Variants in KBTBD12 observed in about 807,000 individuals in gnomAD.
The protein encoded by KBTBD12 is kelch repeat and BTB domain-containing protein 12.
A neutral mutation model predicts 58.7 loss-of-function variants in KBTBD12; 53 were observed. The observed-to-expected ratio is 0.90, with a 90% CI of 0.72 to 1.14. The LOEUF (loss-of-function observed/expected upper bound fraction) is 1.14. KBTBD12 is among the 50% of genes most tolerant of loss of function. The pLI is 0.00. For missense variants in KBTBD12, 704 were observed against 751.3 expected (o/e 0.94, Z 0.74); for synonymous variants, 236 against 259.8 (o/e 0.91, Z 0.88).
intron 4 of KBTBD12, among the ~76,000 whole-genome samples, chr3:127,935,029 G>A (rs551806890): frequency 7.9e-5 from 12 of 152,226 alleles, no homozygotes; most frequent in Admixed American, 1.3e-4. Flanking sequence ...TGCATAGGAC[G>A]TGTTTTTCTT....
intron 4 of KBTBD12, among the ~76,000 whole-genome samples, chr3:127,934,525 T>G (rs1400996494): frequency 5.3e-5 from 8 of 152,092 alleles, no homozygotes; most frequent in Non-Finnish European, 1.2e-4. Flanking sequence ...AGTCAAAAAT[T>G]TCTGAAATTT....
chr3:127,961,106 A>T (rs1940430432), intron 4 of KBTBD12, among the ~76,000 whole-genome samples: 1 of 152,032 alleles, frequency 6.6e-6, no homozygotes, highest in Non-Finnish European at 1.5e-5. Flanking sequence ...GCCTAGTAAC[A>T]TTTCTCCTGG....
At chr3:127,966,047 T>A (rs149165325) in intron 5 of KBTBD12, among the ~76,000 whole-genome samples, 12 of 152,326 alleles carry the variant, frequency 7.9e-5, no homozygotes, top group African/African-American at 2.2e-4. Context: ...CTACTCTTGA[T>A]AGTGAGACAA....
chr3:127,919,450 G>C (rs953638964), intron 1 of KBTBD12, among the ~76,000 whole-genome samples: 2 of 152,116 alleles, frequency 1.3e-5, no homozygotes, highest in African/African-American at 2.4e-5. Flanking sequence ...GGCTGGTCTC[G>C]AACTCTTGAC....
At chr3:127,935,496 T>C (rs1939809167) in intron 4 of KBTBD12, among the ~76,000 whole-genome samples, 1 of 152,008 alleles carries the variant, frequency 6.6e-6, no homozygotes, top group South Asian at 2.1e-4. Flanking sequence ...CACAGTGGCA[T>C]GCACCTGTAA....
At chr3:127,932,961 A>G (rs990983750) in intron 4 of KBTBD12, among the ~76,000 whole-genome samples, 5 of 152,188 alleles carry the variant, frequency 3.3e-5, no homozygotes, top group African/African-American at 9.7e-5. Context: ...AGAAAAACCT[A>G]AAAACATTGT....
chr3:127,928,264 C>T (rs1939623911), intron 3 of KBTBD12: 3 of 529,608 alleles, frequency 5.7e-6, no homozygotes, highest in South Asian at 4.9e-5. Context: ...TCATGCTGTG[C>T]TCTTTATAAT....
intron 4 of KBTBD12, among the ~76,000 whole-genome samples, chr3:127,932,867 T>C (rs2107594684): frequency 6.6e-6 from 1 of 152,318 alleles, no homozygotes; most frequent in African/African-American, 2.4e-5. Flanking sequence ...TTGCTTAAAG[T>C]TTCACTTAAT....
chr3:127,949,853 A>G (rs1275474579), intron 4 of KBTBD12, among the ~76,000 whole-genome samples: 1 of 152,200 alleles, frequency 6.6e-6, no homozygotes, highest in Non-Finnish European at 1.5e-5. Flanking sequence ...GTGGTGAGCC[A>G]GAGAAGGGGA....
At chr3:127,977,315 T>C (rs558286453) in intron 5 of KBTBD12, among the ~76,000 whole-genome samples, 1 of 152,334 alleles carries the variant, frequency 6.6e-6, no homozygotes, top group Admixed American at 6.5e-5. Context: ...TGTGTCTTTA[T>C]GGTAGAACAA....
chr3:127,972,530 C>A (rs1181076882), intron 5 of KBTBD12, among the ~76,000 whole-genome samples: 1 of 152,154 alleles, frequency 6.6e-6, no homozygotes, highest in African/African-American at 2.4e-5. Context: ...TGTTTGGTTC[C>A]AGCCCTAACA....
In KBTBD12 at chr3:127,921,834, T is replaced by C. The variant is rs988992197; in HGVS notation, c.-112-1116T>C. Among the ~76,000 whole-genome samples the C allele has an allele frequency of 1.3e-4, 20 of 152,178 alleles. 1 individual carries two copies. Among genetic ancestry groups the C allele is most frequent in the Non-Finnish European group, 7.4e-5 (5 of 67,976 alleles). ...GTTTGGGAATCTGGGGATATCCAGATGCTCTTTTTAAAACAGGACCATTTC... is the reference window on the plus strand; with the variant it reads ...GTTTGGGAATCTGGGGATATCCAGACGCTCTTTTTAAAACAGGACCATTTC... On this transcript the variant is annotated intron_variant, in intron 1 of 5. Transcript: ENST00000405109.
chr3:127,983,258 G>A (rs1333341285), intron 5 of KBTBD12, among the ~76,000 whole-genome samples: 4 of 152,112 alleles, frequency 2.6e-5, no homozygotes, highest in African/African-American at 4.8e-5. Context: ...ATTAATTTTT[G>A]GTGCTTAAGT....
At chr3:127,957,703 G>A (rs555166109) in intron 4 of KBTBD12, among the ~76,000 whole-genome samples, 18 of 152,240 alleles carry the variant, frequency 1.2e-4, no homozygotes, top group Admixed American at 5.9e-4. Context: ...GTAAGGAGCT[G>A]ACCCACCCAT....
At chr3:127,918,716 A>AG (rs1415423225) in intron 1 of KBTBD12, among the ~76,000 whole-genome samples, 5 of 151,964 alleles carry the variant, frequency 3.3e-5, no homozygotes, top group Admixed American at 6.5e-5. Context: ...CGTCTCAAAA[A>AG]AAAAAAAAAG....
intron 5 of KBTBD12, among the ~76,000 whole-genome samples, chr3:127,975,232 C>T (rs1940762615): frequency 1.3e-5 from 2 of 152,254 alleles, no homozygotes; most frequent in South Asian, 4.2e-4. Context: ...GCAGTTGTCT[C>T]ACCCAAAGGG....
At chr3:127,928,187 G>C (rs1054755562) in intron 3 of KBTBD12, 153 bp downstream of exon 3, 2 of 652,634 alleles carry the variant, frequency 3.1e-6, no homozygotes, top group African/African-American at 3.6e-5. Context: ...AGGTTTTAAA[G>C]TGTTAAAGCA....
intron 4 of KBTBD12, 76 bp downstream of exon 4, chr3:127,930,359 T>C (rs544021053): frequency 1.5e-6 from 2 of 1,317,946 alleles, no homozygotes; most frequent in South Asian, 1.3e-5. Flanking sequence ...AAATGAAACG[T>C]TCTCCTTTGC....
rs141650544 is a variant in KBTBD12 at position 127,956,148 on chromosome 3, A to G, written c.1493-7041A>G. ...GGCTCATTATGTTTTTGCTATAAGT[A>G]TCTATAAAATATATTTCCAGTTAAT... is the stretch of plus-strand genomic sequence containing the variant. On this transcript the variant is annotated intron_variant, in intron 4 of 5. Coordinates refer to ENST00000405109, the MANE Select transcript of KBTBD12 (RefSeq NM_207335.4). Among the ~76,000 whole-genome samples the G allele has an allele frequency of 8.5e-3, 1,299 of 152,340 alleles. 12 individuals are homozygous for G. Among genetic ancestry groups the G allele is most frequent in the Middle Eastern group, 0.017 (5 of 294 alleles).
Sources: allele counts gnomAD v4.1 joint callset (sites outside exome capture counted in the v4.1 genomes callset), GRCh38; gene constraint gnomAD v4.1.1; transcripts MANE v1.5; gene names NCBI Gene and HGNC (gene_info 2026-07-23, HGNC 2026-07-21).